The following CTBP2 variants were observed in gnomAD, a reference collection of about 807,000 sequenced individuals.
CTBP2 encodes C-terminal-binding protein 2.
A neutral mutation model predicts 80.3 loss-of-function variants in CTBP2; 30 were observed. The observed-to-expected ratio is 0.37, with a 90% CI of 0.28 to 0.51. CTBP2 has a LOEUF of 0.51. Ranked by LOEUF, CTBP2 falls within the 20% of genes least tolerant of loss-of-function variation. The probability of loss-of-function intolerance (pLI) is 0.93; values close to 1 mark genes in which losing one functional copy is unlikely to be tolerated. For synonymous variants in CTBP2, 594 were observed against 587.4 expected, an observed-to-expected ratio of 1.01 and a Z score of -0.16; for missense variants, 1,212 against 1,375.3, an observed-to-expected ratio of 0.88 and a Z score of 1.88.
chr10:125,015,718 C>G (rs560432172), intron 1 of CTBP2, among the ~76,000 whole-genome samples: 2 of 152,332 alleles, frequency 1.3e-5, no homozygotes, highest in East Asian at 3.9e-4. Flanking sequence ...GTGAACAGCT[C>G]TCAAGTTCTA....
chr10:125,028,097 G>T, upstream of CTBP2: 1 of 264,706 alleles, frequency 3.8e-6, no homozygotes, highest in Non-Finnish European at 7.0e-6. Context: ...CTCTCAGCAT[G>T]CGGATTAGGA....
At chr10:125,080,891 C>T (rs1431009894) in intron 2 of CTBP2, among the ~76,000 whole-genome samples, 5 of 151,730 alleles carry the variant, frequency 3.3e-5, no homozygotes, top group African/African-American at 1.2e-4. Flanking sequence ...GGGCACAGCG[C>T]TGCCTCCCAC....
intron 2 of CTBP2, among the ~76,000 whole-genome samples, chr10:125,064,435 A>ACAGCGTT (rs1844318543): frequency 1.3e-5 from 2 of 152,138 alleles, no homozygotes; most frequent in African/African-American, 4.8e-5. Context: ...CCCTGGGGAA[A>ACAGCGTT]CAGCGTTCTT....
At chr10:125,108,099 AT>A (rs1564935993) in intron 2 of CTBP2, among the ~76,000 whole-genome samples, 1 of 152,152 alleles carries the variant, frequency 6.6e-6, no homozygotes, top group Non-Finnish European at 1.5e-5. Context: ...CATCTGGCAC[AT>A]TGAGCTTTCA....
At chr10:125,137,125 A>C (rs1591018854) in intron 1 of CTBP2, among the ~76,000 whole-genome samples, 1 of 152,358 alleles carries the variant, frequency 6.6e-6, no homozygotes, top group East Asian at 1.9e-4. Context: ...TGTATCAACA[A>C]AATCACAATT....
rs543711955 is a variant in CTBP2 at position 124,993,120 on chromosome 10, G to A, written c.2659+82C>T. ...AAGTGAATTCTACCTGTCGAGAGCT[G>A]CCTGTAGCCAGCAGGACAGGAGCCG... On this transcript the variant is annotated intron_variant, in intron 7 of 8. Transcript: ENST00000309035. The A allele has an allele frequency of 5.5e-5, 83 of 1,502,250 alleles. 1 individual carries two copies. Among genetic ancestry groups the A allele is most frequent in the South Asian group, 1.8e-4 (14 of 77,462 alleles). 93.1% of individuals were successfully genotyped at this position (1,502,250 alleles called of 1,614,324 possible).
At chr10:125,080,305 C>CGTGTG (rs1846989881) in intron 2 of CTBP2, among the ~76,000 whole-genome samples, 1 of 151,982 alleles carries the variant, frequency 6.6e-6, no homozygotes, top group Non-Finnish European at 1.5e-5. Context: ...AACACACACC[C>CGTGTG]ACACCGTCAA....
chr10:125,123,403 T>C (rs1056166949), intron 1 of CTBP2, among the ~76,000 whole-genome samples: 3 of 152,216 alleles, frequency 2.0e-5, no homozygotes, highest in African/African-American at 7.2e-5. Flanking sequence ...ATGTTACAAC[T>C]GGAGGGCACC....
intron 6 of CTBP2, among the ~76,000 whole-genome samples, chr10:124,993,596 T>C (rs539099598): frequency 1.3e-5 from 2 of 152,324 alleles, no homozygotes; most frequent in Non-Finnish European, 2.9e-5. Flanking sequence ...ATGATGCCTG[T>C]CTGTCTGAAG....
intron 1 of CTBP2, 42 bp from the exon 2 acceptor site, chr10:125,111,135 A>T (rs1852226650): frequency 6.7e-6 from 1 of 148,452 alleles, no homozygotes; most frequent in Admixed American, 6.7e-5. Context: ...TGAAGTAGAG[A>T]TTTTTTTTTT....
At chr10:125,120,544 G>A (rs1854144296) in intron 1 of CTBP2, among the ~76,000 whole-genome samples, 1 of 152,134 alleles carries the variant, frequency 6.6e-6, no homozygotes, top group African/African-American at 2.4e-5. Flanking sequence ...GCACCACCAC[G>A]CCCAGCTAAT....
chr10:125,030,652 G>T (rs554154891), upstream of CTBP2, among the ~76,000 whole-genome samples: 3 of 152,356 alleles, frequency 2.0e-5, no homozygotes, highest in Admixed American at 2.0e-4. Flanking sequence ...AGAAAAAGAA[G>T]AACAGGTGGG....
chr10:124,996,462 C>G (rs1305156753), intron 4 of CTBP2: 9 of 152,878 alleles, frequency 5.9e-5, no homozygotes, highest in African/African-American at 2.2e-4. Flanking sequence ...GCACGACAGT[C>G]CCTGTGCTGA....
chr10:125,086,454 A>G (rs971389535), intron 2 of CTBP2, among the ~76,000 whole-genome samples: 2 of 151,954 alleles, frequency 1.3e-5, no homozygotes, highest in Admixed American at 1.3e-4. Context: ...GAGGCAGGAG[A>G]AAATACAAAA....
intron 1 of CTBP2, among the ~76,000 whole-genome samples, chr10:125,145,281 A>T (rs373845856): frequency 6.6e-6 from 1 of 152,104 alleles, no homozygotes; most frequent in African/African-American, 2.4e-5. Context: ...AAAAATACAG[A>T]TGTTAGGGCT....
At chr10:124,995,811 G>A (rs956699842) in intron 4 of CTBP2, among the ~76,000 whole-genome samples, 5 of 152,122 alleles carry the variant, frequency 3.3e-5, no homozygotes, top group Non-Finnish European at 4.4e-5. Context: ...GCTCTCTGAC[G>A]CACTGGCAAC....
chr10:124,987,879 A>G lies in CTBP2; in HGVS notation c.*1639T>C, dbSNP rs1952098878. 1 of 152,268 alleles carries G rather than the reference A, an allele frequency of 6.6e-6. No individual in the cohort carries two copies. The highest frequency in any genetic ancestry group is 2.4e-5 in the African/African-American group (1 of 41,466). 9.4% of individuals were successfully genotyped at this position (152,268 alleles called of 1,614,324 possible). On this transcript the variant is annotated 3_prime_UTR_variant, in exon 9 of 9. Coordinates refer to ENST00000309035, the MANE Select transcript of CTBP2 (RefSeq NM_022802.3). Reference sequence around the variant, plus strand: ...TTAGTATAAAGGTTTAATTCTATTTAAAAAGAAGATCCATTAAATCAAGCT... The same window carrying G: ...TTAGTATAAAGGTTTAATTCTATTTGAAAAGAAGATCCATTAAATCAAGCT...
At chr10:125,056,030 T>C (rs1230404013) in intron 2 of CTBP2, among the ~76,000 whole-genome samples, 1 of 151,940 alleles carries the variant, frequency 6.6e-6, no homozygotes, top group African/African-American at 2.4e-5. Flanking sequence ...CCAGGTGTGG[T>C]GGCACGTGCC....
chr10:125,133,720 GT>G (rs1158849794), intron 1 of CTBP2: 4 of 152,184 alleles, frequency 2.6e-5, no homozygotes, highest in African/African-American at 9.6e-5. Context: ...TGAAATGACT[GT>G]TTTTGCCTTG....
Sources: gnomAD v4.1 joint callset for allele counts (sites outside exome capture counted in the v4.1 genomes callset) on GRCh38, gnomAD v4.1.1 for gene constraint, MANE v1.5 for transcripts, NCBI Gene and HGNC (gene_info 2026-07-23, HGNC 2026-07-21) for gene names.